The following BACH2 variants were observed in gnomAD, a reference collection of about 807,000 sequenced individuals.
BACH2 encodes transcription regulator protein BACH2.
BACH2 carries 5 observed loss-of-function variants against 61.8 expected under a neutral mutation model. The ratio of observed to expected loss-of-function variants is 0.08; its 90% CI spans 0.04 to 0.17. BACH2 has a LOEUF of 0.17. Among genes scored for constraint, BACH2 ranks in the 10% least tolerant of loss-of-function variants. The pLI is 1.00. For synonymous variants in BACH2, 446 were observed against 440.1 expected (o/e 1.01, Z -0.17); for missense variants, 824 against 1,091.1 (o/e 0.76, Z 3.45).
At chr6:90,060,320 T>C (rs73752875) in intron 5 of BACH2, among the ~76,000 whole-genome samples, 438 of 152,322 alleles carry the variant, frequency 2.9e-3, no homozygotes, top group African/African-American at 0.01. Context: ...TCCAAACTTA[T>C]TAACCTCTCT....
At chr6:89,960,302 G>T (rs1020872063) in intron 6 of BACH2, among the ~76,000 whole-genome samples, 1 of 152,200 alleles carries the variant, frequency 6.6e-6, no homozygotes, top group African/African-American at 2.4e-5. Context: ...GGCCCAGAAA[G>T]GTGAAGGGAT....
intron 6 of BACH2, among the ~76,000 whole-genome samples, chr6:89,974,262 C>G (rs1269323556): frequency 6.6e-6 from 1 of 152,140 alleles, no homozygotes; most frequent in Admixed American, 6.5e-5. Context: ...GTTAATTAAC[C>G]TCTCCTGCTC....
intron 4 of BACH2, among the ~76,000 whole-genome samples, chr6:90,108,233 G>A (rs1783010182): frequency 6.6e-6 from 1 of 152,090 alleles, no homozygotes; most frequent in African/African-American, 2.4e-5. Context: ...TCACTAACCT[G>A]AGATCTCAAG....
chr6:90,189,958 T>C (rs2127844342), intron 4 of BACH2, among the ~76,000 whole-genome samples: 1 of 152,230 alleles, frequency 6.6e-6, no homozygotes. Flanking sequence ...GCATTTTTTT[T>C]TTAAAGATGG....
intron 5 of BACH2, among the ~76,000 whole-genome samples, chr6:90,060,242 C>T (rs1035463815): frequency 2.6e-5 from 4 of 151,992 alleles, no homozygotes; most frequent in Non-Finnish European, 4.4e-5. Context: ...TGTCTCATCT[C>T]CATTCTGCAT....
chr6:90,099,094 T>C (rs1782506600), intron 4 of BACH2, among the ~76,000 whole-genome samples: 1 of 152,226 alleles, frequency 6.6e-6, no homozygotes, highest in Non-Finnish European at 1.5e-5. Context: ...GCCTCCCGTT[T>C]GCACTTAATT....
At chr6:90,116,484 G>C (rs542870987) in intron 4 of BACH2, among the ~76,000 whole-genome samples, 1 of 152,234 alleles carries the variant, frequency 6.6e-6, no homozygotes, top group South Asian at 2.1e-4. Flanking sequence ...GAACACTGGG[G>C]TCTACTTGAG....
intron 4 of BACH2, among the ~76,000 whole-genome samples, chr6:90,167,931 ACATGG>A (rs1466339162): frequency 4.6e-5 from 7 of 152,256 alleles, no homozygotes; most frequent in Non-Finnish European, 8.8e-5. Flanking sequence ...TGTATTTTAC[ACATGG>A]ATGTAAAAGT....
intron 5 of BACH2, chr6:90,080,647 A>G (rs922214559): frequency 1.5e-5 from 10 of 646,410 alleles, no homozygotes. Flanking sequence ...TCTGCAAACC[A>G]CAACAGCAAA....
At chr6:90,271,598 T>G (rs1015184931) in intron 2 of BACH2, among the ~76,000 whole-genome samples, 16 of 152,060 alleles carry the variant, frequency 1.1e-4, no homozygotes, top group Non-Finnish European at 1.5e-4. Flanking sequence ...AACAGACAAT[T>G]CTCAAAAGAA....
At chr6:90,194,814 A>G (rs957885771) in intron 4 of BACH2, among the ~76,000 whole-genome samples, 5 of 152,198 alleles carry the variant, frequency 3.3e-5, no homozygotes, top group Non-Finnish European at 5.9e-5. Context: ...TGAACTGGCT[A>G]TTGTTCAGAT....
In BACH2 at chr6:89,931,937, A is replaced by G. The variant is rs1465911753; in HGVS notation, c.*471T>C. 3.8e-3 allele frequency: 1 copy of G among 264 alleles called. No homozygotes were observed. Among genetic ancestry groups the G allele is most frequent in the Non-Finnish European group, 0.016 (1 of 62 alleles). 0.0% of individuals were successfully genotyped at this position (264 alleles called of 1,614,324 possible). A position where few individuals can be genotyped will look rare whatever the true frequency, so the allele number is the denominator to read the frequency against. ...GCATGCAGGACTTTTGCATATGGAT[A>G]TATATATATATATATATATATTTTA... On this transcript the variant is annotated 3_prime_UTR_variant, in exon 9 of 9. Transcript: ENST00000257749.
intron 3 of BACH2, among the ~76,000 whole-genome samples, chr6:90,250,601 C>T (rs997048574): frequency 5.9e-5 from 9 of 152,130 alleles, no homozygotes; most frequent in African/African-American, 2.2e-4. Context: ...AGTCTAAACT[C>T]CCTGCCCCAA....
At chr6:90,042,368 A>ATTT (rs11435980) in intron 5 of BACH2, among the ~76,000 whole-genome samples, 1 of 144,392 alleles carries the variant, frequency 6.9e-6, no homozygotes, top group Admixed American at 6.9e-5. Context: ...AGTTTTTTGT[A>ATTT]TTTTTTTTTT....
intron 3 of BACH2, among the ~76,000 whole-genome samples, chr6:90,232,712 T>C (rs1008547266): frequency 5.9e-5 from 9 of 152,184 alleles, no homozygotes; most frequent in Admixed American, 5.2e-4. Context: ...ATTTTTCTGC[T>C]AGAATTTTAA....
chr6:90,227,904 CCA>C (rs1456788896), intron 3 of BACH2, among the ~76,000 whole-genome samples: 1 of 152,138 alleles, frequency 6.6e-6, no homozygotes, highest in East Asian at 1.9e-4. Context: ...ACTGCTACAC[CCA>C]GTTTATACTT....
At chr6:90,099,463 C>T (rs1224092445) in intron 4 of BACH2, among the ~76,000 whole-genome samples, 4 of 152,202 alleles carry the variant, frequency 2.6e-5, no homozygotes, top group Non-Finnish European at 4.4e-5. Flanking sequence ...ACTGCATCCT[C>T]GAACTCTTGG....
chr6:90,107,061 AATC>A (rs1471881170), intron 4 of BACH2, among the ~76,000 whole-genome samples: 2 of 152,188 alleles, frequency 1.3e-5, no homozygotes, highest in Non-Finnish European at 2.9e-5. Flanking sequence ...TAAATTTAAA[AATC>A]ATCATTTCAA....
At position 89,929,035 on chromosome 6, in the gene BACH2, A is replaced by AAG; in HGVS notation, c.*3372_*3373insCT. The AAG allele has an allele frequency of 2.6e-5, 4 of 152,448 alleles. No homozygotes were observed. The highest frequency in any genetic ancestry group is 9.7e-5 in the African/African-American group (4 of 41,338). The allele number at this position is 152,448 out of a possible 1,614,324, so 9.4% of individuals were successfully genotyped here. The stretch of plus-strand genomic sequence containing the variant: ...TGAAAAGAGGTTGCCTGGATACACA[A>AAG]GCAGGACAAAGGCAGATCCAAGGGG... On this transcript the variant is annotated 3_prime_UTR_variant, in exon 9 of 9. Coordinates refer to ENST00000257749, the MANE Select transcript of BACH2 (RefSeq NM_021813.4).
Sources: allele counts gnomAD v4.1 joint callset (sites outside exome capture counted in the v4.1 genomes callset), GRCh38; gene constraint gnomAD v4.1.1; transcripts MANE v1.5; gene names NCBI Gene and HGNC (gene_info 2026-07-23, HGNC 2026-07-21).